The following RPIA variants were observed in gnomAD, a reference collection of about 807,000 sequenced individuals.
RPIA encodes the protein ribose-5-phosphate isomerase.
In RPIA, 29 loss-of-function variants were observed where a neutral mutation model predicts 37.8. The observed-to-expected ratio is 0.77, with a 90% CI of 0.57 to 1.05. The LOEUF (loss-of-function observed/expected upper bound fraction) is 1.05. RPIA is among the 50% of genes least tolerant of loss of function. The pLI is 0.00. For synonymous variants in RPIA, 167 were observed against 157.0 expected (o/e 1.06, Z -0.48); for missense variants, 385 against 413.6 (o/e 0.93, Z 0.60).
rs369339630 is a variant in RPIA, at chr2:88,736,951, G to A, written c.738+275G>A. Among the ~76,000 whole-genome samples the A allele has an allele frequency of 2.6e-4, 39 of 152,286 alleles. No homozygotes were observed. The South Asian group carries it at 7.0e-3, about 27-fold the overall frequency. ...TGCCTCAGGTTCTGACATCCCACAG[G>A]TGATCTGACCTTTGTGCCTGAGGCC... On this transcript the variant is annotated intron_variant, in intron 7 of 8. Transcript: ENST00000283646.
intron 8 of RPIA, among the ~76,000 whole-genome samples, chr2:88,745,312 A>G (rs578121760): frequency 1.3e-5 from 2 of 152,234 alleles, no homozygotes; most frequent in Middle Eastern, 3.4e-3. Flanking sequence ...TATTTTATTC[A>G]TCATGGTAGT....
In RPIA at chr2:88,703,518, A is replaced by G. The variant is rs540028037; in HGVS notation, c.402+3454A>G. Among the ~76,000 whole-genome samples, 9 of 152,148 alleles carry G rather than the reference A, an allele frequency of 5.9e-5. No homozygotes were observed. In the South Asian group the frequency reaches 1.9e-3, roughly 32 times the overall value. On this transcript the variant is annotated intron_variant, in intron 3 of 8. Coordinates refer to ENST00000283646, the MANE Select transcript of RPIA (RefSeq NM_144563.3). ...CTTGGGGCTTGCACCATCTGAAGCT[A>G]CAGCCCGAGCTCTACATTGGCCCCT... is the stretch of plus-strand genomic sequence containing the variant.
chr2:88,736,943 T>C (rs1673322688), intron 7 of RPIA, among the ~76,000 whole-genome samples: 1 of 152,200 alleles, frequency 6.6e-6, no homozygotes. Context: ...GGTTCTGACA[T>C]CCCACAGGTG....
chr2:88,726,957 T>C (rs1673204472), intron 3 of RPIA, among the ~76,000 whole-genome samples: 1 of 152,198 alleles, frequency 6.6e-6, no homozygotes, highest in Non-Finnish European at 1.5e-5. Context: ...CAGACTGGTC[T>C]TGAACTCCTG....
In RPIA at chr2:88,736,550, T is replaced by G. The variant is rs773825695; in HGVS notation, c.612T>G (p.Asn204Lys). 1 of 1,614,198 alleles carries G rather than the reference T, an allele frequency of 6.2e-7. No homozygotes were observed. Residue 204 changes from asparagine to lysine, a missense_variant, in exon 7 of 9, where the codon AAT becomes AAG. Coordinates refer to ENST00000283646, the MANE Select transcript of RPIA (RefSeq NM_144563.3). ...TTCTTTCCAGGAAAGATTCGAAGAA[T>G]CTCGGGGATCAGTGGCACAAGGGAA... ...VIADFRKDSK[N>K]LGDQWHKGIP...
chr2:88,746,846 G>T (rs982566626), intron 8 of RPIA, among the ~76,000 whole-genome samples: 3 of 152,196 alleles, frequency 2.0e-5, no homozygotes, highest in Admixed American at 2.0e-4. Flanking sequence ...GAGCAGGGTT[G>T]TTCTGTTACG....
intron 7 of RPIA, among the ~76,000 whole-genome samples, chr2:88,736,950 G>A (rs1673322815): frequency 6.6e-6 from 1 of 152,178 alleles, no homozygotes; most frequent in Admixed American, 6.5e-5. Context: ...ACATCCCACA[G>A]GTGATCTGAC....
At chr2:88,740,061 G>A (rs965594197) in intron 8 of RPIA, among the ~76,000 whole-genome samples, 1 of 152,210 alleles carries the variant, frequency 6.6e-6, no homozygotes, top group Non-Finnish European at 1.5e-5. Context: ...GTAGGAGGAA[G>A]AGAAGATTTG....
At chr2:88,699,704 G>A (rs1672804554) in intron 2 of RPIA, among the ~76,000 whole-genome samples, 1 of 152,114 alleles carries the variant, frequency 6.6e-6, no homozygotes, top group African/African-American at 2.4e-5. Flanking sequence ...TACCTTTTGG[G>A]TTGTTAGGAT....
intron 3 of RPIA, among the ~76,000 whole-genome samples, chr2:88,712,044 A>G (rs1672967928): frequency 6.6e-6 from 1 of 152,232 alleles, no homozygotes; most frequent in Non-Finnish European, 1.5e-5. Context: ...CAAAGGGAAG[A>G]TGGTATAATG....
chr2:88,695,082 C>T (rs1672713365), intron 1 of RPIA, among the ~76,000 whole-genome samples: 1 of 152,098 alleles, frequency 6.6e-6, no homozygotes, highest in African/African-American at 2.4e-5. Context: ...GATGGTGTGC[C>T]TAGAGAGAGC....
In RPIA at chr2:88,703,571, G is replaced by T. The variant is rs147687499; in HGVS notation, c.402+3507G>T. 8.9e-4 allele frequency among the ~76,000 whole-genome samples: 135 copies of T among 152,336 alleles called. 1 individual carries two copies. Among genetic ancestry groups the T allele is most frequent in the African/African-American group, 3.2e-3 (133 of 41,580 alleles). ...CAGCCAGGGGTGGAGTGGCTAGGACGCAGGGCATCAAGTCCCTAGGCTGCA... is the reference window on the plus strand; with the variant it reads ...CAGCCAGGGGTGGAGTGGCTAGGACTCAGGGCATCAAGTCCCTAGGCTGCA... On this transcript the variant is annotated intron_variant, in intron 3 of 8. Coordinates refer to ENST00000283646, the MANE Select transcript of RPIA (RefSeq NM_144563.3).
chr2:88,735,573 C>A, intron 5 of RPIA, 96 bp from the exon 6 acceptor site: 1 of 1,090,420 alleles, frequency 9.2e-7, no homozygotes, highest in Non-Finnish European at 1.4e-6. Context: ...TCTTTAAGTG[C>A]CAGGATTGAG....
intron 3 of RPIA, among the ~76,000 whole-genome samples, chr2:88,709,810 G>A (rs972516221): frequency 7.9e-5 from 12 of 152,196 alleles, no homozygotes; most frequent in African/African-American, 2.9e-4. Context: ...GCCTTTGGCT[G>A]CTGCGTCAAC....
chr2:88,736,405 C>T lies in RPIA; in HGVS notation c.597-130C>T. 3.6e-6 allele frequency: 3 copies of T among 824,734 alleles called. 1 individual carries two copies. In the South Asian group the frequency reaches 4.4e-5, roughly 12 times the overall value. 51.1% of individuals were successfully genotyped at this position (824,734 alleles called of 1,614,324 possible). A position where few individuals can be genotyped will look rare whatever the true frequency, so the allele number is the denominator to read the frequency against. On this transcript the variant is annotated intron_variant, in intron 6 of 8. Coordinates refer to ENST00000283646, the MANE Select transcript of RPIA (RefSeq NM_144563.3). The stretch of plus-strand genomic sequence containing the variant: ...TGAAACAGCTAATTCATTTGTAGCC[C>T]CATGTATATTGCCCTTGATCACTTT...
chr2:88,698,748 T>C (rs17037571), intron 2 of RPIA, among the ~76,000 whole-genome samples: 9,390 of 152,280 alleles, frequency 0.062, 517 homozygotes, highest in African/African-American at 0.14. Context: ...CATCCAACTT[T>C]GAAGGACGCC....
At chr2:88,692,465 T>C (rs1573456712) in intron 1 of RPIA, among the ~76,000 whole-genome samples, 1 of 152,190 alleles carries the variant, frequency 6.6e-6, no homozygotes, top group East Asian at 1.9e-4. Flanking sequence ...CTGAGTGTAC[T>C]CTTGGAGGGA....
At chr2:88,714,561 A>T (rs749202603) in intron 3 of RPIA, among the ~76,000 whole-genome samples, 1 of 152,016 alleles carries the variant, frequency 6.6e-6, no homozygotes, top group Admixed American at 6.6e-5. Flanking sequence ...ACCTTGGGGA[A>T]CTCCTGATGT....
rs762849370 is a variant in RPIA at position 88,736,720 on chromosome 2, G to GT, written c.738+48dup. 5 of 1,588,374 alleles carry GT rather than the reference G, an allele frequency of 3.1e-6. No homozygotes were observed. The South Asian group carries it at 5.6e-5, about 18-fold the overall frequency. On this transcript the variant is annotated intron_variant, in intron 7 of 8. Transcript: ENST00000283646. ...CCGGGGGTGTGCTGGGTGCACTCAG[G>GT]TTTTCAGTGTGGTGTCCTCCCTTCT... is the stretch of plus-strand genomic sequence containing the variant.
Sources: allele counts gnomAD v4.1 joint callset (sites outside exome capture counted in the v4.1 genomes callset), GRCh38; gene constraint gnomAD v4.1.1; transcripts MANE v1.5; gene names NCBI Gene and HGNC (gene_info 2026-07-23, HGNC 2026-07-21).